GNAT3: variants seen among roughly 807,000 people sequenced by gnomAD.
GNAT3 encodes the protein G protein subunit alpha transducin 3, also known as guanine nucleotide-binding protein G(t) subunit alpha-3.
A neutral mutation model predicts 37.7 loss-of-function variants in GNAT3; 31 were observed. That is an observed-to-expected ratio of 0.82 (90% CI 0.62 to 1.11). GNAT3 has a LOEUF of 1.11. GNAT3 is among the 50% of genes most tolerant of loss of function. The pLI is 0.00. For missense variants in GNAT3, 437 were observed against 412.5 expected, an observed-to-expected ratio of 1.06 and a Z score of -0.51; for synonymous variants, 138 against 139.8, an observed-to-expected ratio of 0.99 and a Z score of 0.09.
At chr7:80,475,638 A>G (rs1287888165) in intron 4 of GNAT3, among the ~76,000 whole-genome samples, 3 of 152,122 alleles carry the variant, frequency 2.0e-5, no homozygotes, top group Non-Finnish European at 4.4e-5. Context: ...TTGTTTGTTC[A>G]GTGATTAAGC....
At chr7:80,475,233 A>G (rs11760281) in intron 4 of GNAT3, among the ~76,000 whole-genome samples, 83,969 of 151,572 alleles carry the variant, frequency 0.55, 27,473 homozygotes, top group Non-Finnish European at 0.73. Context: ...CCCTCACAGG[A>G]TCTAGGTGTG....
At chr7:80,499,901 C>T (rs1235390360) in intron 1 of GNAT3, among the ~76,000 whole-genome samples, 1 of 152,130 alleles carries the variant, frequency 6.6e-6, no homozygotes, top group Non-Finnish European at 1.5e-5. Flanking sequence ...ATATAAATTA[C>T]CTAGAACATA....
chr7:80,498,026 C>T (rs939710491), intron 1 of GNAT3, among the ~76,000 whole-genome samples: 10 of 151,960 alleles, frequency 6.6e-5, no homozygotes, highest in African/African-American at 2.2e-4. Flanking sequence ...TGATTAAGAA[C>T]CACTTTTAGG....
At chr7:80,499,957 T>A (rs1401052384) in intron 1 of GNAT3, among the ~76,000 whole-genome samples, 1 of 152,214 alleles carries the variant, frequency 6.6e-6, no homozygotes, top group South Asian at 2.1e-4. Context: ...ATTTGAAGAA[T>A]GTGCTCATAT....
intron 3 of GNAT3, among the ~76,000 whole-genome samples, chr7:80,482,675 A>C (rs1790411825): frequency 7.1e-6 from 1 of 140,102 alleles, no homozygotes; most frequent in Non-Finnish European, 1.5e-5. Flanking sequence ...CACCACACCC[A>C]GCTAATTTTT....
intron 4 of GNAT3, 77 bp from the exon 5 acceptor site, chr7:80,474,456 T>C (rs1001158469): frequency 1.0e-5 from 6 of 599,050 alleles, no homozygotes; most frequent in East Asian, 3.0e-5. Flanking sequence ...TATACACACA[T>C]ACATACATAT....
At position 80,474,393 on chromosome 7, in the gene GNAT3, A is replaced by C. The variant is rs1218683197; in HGVS notation, c.462-14T>G. The C allele has an allele frequency of 7.2e-7, 1 of 1,394,522 alleles. No individual in the cohort carries two copies. Among genetic ancestry groups the C allele is most frequent in the South Asian group, 1.3e-5 (1 of 79,404 alleles). 86.4% of individuals were successfully genotyped at this position (1,394,522 alleles called of 1,614,324 possible). ...TCATTAAGGTAGCTAATAAAGACAA[A>C]ACAAAATTATATATGTGTATATATA... On this transcript the variant is annotated splice_polypyrimidine_tract_variant and intron_variant, in intron 4 of 7. Transcript: ENST00000398291.
intron 5 of GNAT3, 55 bp downstream of exon 5, chr7:80,474,196 A>G (rs1790265292): frequency 1.9e-6 from 3 of 1,549,200 alleles, no homozygotes; most frequent in Non-Finnish European, 1.8e-6. Flanking sequence ...CCATGAGGAA[A>G]TATTAAGCCT....
rs1394986306 is a variant in GNAT3, at chr7:80,474,394, AC to A, written c.462-16del. ...CATTAAGGTAGCTAATAAAGACAAA[AC>A]AAAATTATATATGTGTATATATAAT... On this transcript the variant is annotated splice_polypyrimidine_tract_variant and intron_variant, in intron 4 of 7. Transcript: ENST00000398291. The A allele has an allele frequency of 5.1e-6, 7 of 1,360,504 alleles. No individual in the cohort carries two copies. Among genetic ancestry groups the A allele is most frequent in the Non-Finnish European group, 7.1e-6 (7 of 980,638 alleles). The allele number at this position is 1,360,504 out of a possible 1,614,324, so 84.3% of individuals were successfully genotyped here.
chr7:80,485,275 A>C (rs1790458467), intron 3 of GNAT3, among the ~76,000 whole-genome samples: 1 of 151,996 alleles, frequency 6.6e-6, no homozygotes, highest in South Asian at 2.1e-4. Flanking sequence ...TCTTAGTATG[A>C]ATTATATGCC....
chr7:80,490,591 G>A (rs1226659725), intron 2 of GNAT3, among the ~76,000 whole-genome samples: 1 of 152,202 alleles, frequency 6.6e-6, no homozygotes, highest in African/African-American at 2.4e-5. Flanking sequence ...GAGAATCATT[G>A]TAGGAAGAAA....
intron 6 of GNAT3, 92 bp from the exon 7 acceptor site, chr7:80,462,404 A>G (rs1790065417): frequency 1.3e-6 from 2 of 1,557,002 alleles, no homozygotes; most frequent in Admixed American, 1.8e-5. Flanking sequence ...ACTAACATAA[A>G]TCTTTGGCAA....
At chr7:80,508,048 A>G (rs1790982655) in intron 1 of GNAT3, among the ~76,000 whole-genome samples, 1 of 151,960 alleles carries the variant, frequency 6.6e-6, no homozygotes, top group African/African-American at 2.4e-5. Flanking sequence ...AAGAAAAAAT[A>G]AAAATAAAGG....
chr7:80,493,994 C>A (rs915289109), intron 2 of GNAT3, among the ~76,000 whole-genome samples: 1 of 151,960 alleles, frequency 6.6e-6, no homozygotes, highest in Non-Finnish European at 1.5e-5. Context: ...TCTTTTTAGC[C>A]ACAATTATCC....
intron 4 of GNAT3, among the ~76,000 whole-genome samples, chr7:80,477,942 G>T (rs1452186407): frequency 6.6e-6 from 1 of 152,172 alleles, no homozygotes; most frequent in Middle Eastern, 3.2e-3. Context: ...ACAGGGTCTT[G>T]CTCTTTTGCC....
At chr7:80,508,758 C>T (rs6970109) in intron 1 of GNAT3, among the ~76,000 whole-genome samples, 6 of 151,856 alleles carry the variant, frequency 4.0e-5, no homozygotes, top group East Asian at 3.9e-4. Flanking sequence ...GCACTTTGAC[C>T]GCTCTTCAGA....
At chr7:80,486,412 A>T (rs1010375449) in intron 3 of GNAT3, 3 of 151,004 alleles carry the variant, frequency 2.0e-5, no homozygotes, top group Non-Finnish European at 3.0e-5. Context: ...CCTATATGTC[A>T]ACTCATTAAG....
At chr7:80,505,419 T>C (rs549433527) in intron 1 of GNAT3, among the ~76,000 whole-genome samples, 1 of 152,202 alleles carries the variant, frequency 6.6e-6, no homozygotes. Flanking sequence ...CAGGCTGGAG[T>C]GCAGTGGCAC....
chr7:80,486,770 T>G (rs1176203391), intron 3 of GNAT3, among the ~76,000 whole-genome samples: 1 of 151,712 alleles, frequency 6.6e-6, no homozygotes, highest in Non-Finnish European at 1.5e-5. Context: ...ACACCATATC[T>G]GGTCAAATAT....
Sources: allele counts gnomAD v4.1 joint callset (sites outside exome capture counted in the v4.1 genomes callset), GRCh38; gene constraint gnomAD v4.1.1; transcripts MANE v1.5; gene names NCBI Gene and HGNC (gene_info 2026-07-23, HGNC 2026-07-21).